SRRM3: variants seen among roughly 807,000 people sequenced by gnomAD.
SRRM3 encodes serine/arginine repetitive matrix protein 3.
A neutral mutation model predicts 66.2 loss-of-function variants in SRRM3; 27 were observed. The observed-to-expected ratio is 0.41, with a 90% CI of 0.30 to 0.56. SRRM3 has a LOEUF of 0.56. Ranked by LOEUF, SRRM3 falls within the 20% of genes least tolerant of loss-of-function variation. The pLI is 0.32. For missense variants in SRRM3, 918 were observed against 991.9 expected, an observed-to-expected ratio of 0.93 and a Z score of 1.00; for synonymous variants, 391 against 414.9, an observed-to-expected ratio of 0.94 and a Z score of 0.70.
chr7:76,231,000 C>T (rs1404314866), intron 1 of SRRM3, among the ~76,000 whole-genome samples: 1 of 152,028 alleles, frequency 6.6e-6, no homozygotes, highest in Non-Finnish European at 1.5e-5. Flanking sequence ...ATCCACTCAC[C>T]TCAGCTTCCC....
At chr7:76,248,431 G>T in intron 3 of SRRM3, 142 bp downstream of exon 3, 1 of 636,826 alleles carries the variant, frequency 1.6e-6, no homozygotes, top group South Asian at 1.8e-5. Flanking sequence ...AGGAGAAGGA[G>T]AGGAGAGCAT....
chr7:76,233,084 T>C (rs2116990945), intron 1 of SRRM3, among the ~76,000 whole-genome samples: 1 of 152,190 alleles, frequency 6.6e-6, no homozygotes, highest in Middle Eastern at 3.4e-3. Flanking sequence ...GGAAGGATTG[T>C]TTGAAGCCAG....
At chr7:76,271,427 T>C (rs1194680172) in intron 11 of SRRM3, among the ~76,000 whole-genome samples, 1 of 151,994 alleles carries the variant, frequency 6.6e-6, no homozygotes, top group Non-Finnish European at 1.5e-5. Flanking sequence ...CAGTAAGCCA[T>C]GATTGCACCA....
chr7:76,215,100 A>T (rs1162217979), intron 1 of SRRM3, among the ~76,000 whole-genome samples: 2 of 152,024 alleles, frequency 1.3e-5, no homozygotes, highest in African/African-American at 2.4e-5. Context: ...AATATGCAAA[A>T]TATTAAACTG....
chr7:76,218,223 C>T (rs1800616463), intron 1 of SRRM3, among the ~76,000 whole-genome samples: 1 of 152,192 alleles, frequency 6.6e-6, no homozygotes. Context: ...GTCCTCAAGG[C>T]CAGCTTGGGA....
chr7:76,208,027 G>A (rs1366442369), intron 1 of SRRM3, among the ~76,000 whole-genome samples: 1 of 152,208 alleles, frequency 6.6e-6, no homozygotes, highest in African/African-American at 2.4e-5. Flanking sequence ...GGGTCTGCGT[G>A]TGTGGATTTC....
In SRRM3 at chr7:76,283,929, A is replaced by C. The variant is rs1177997953; in HGVS notation, c.1733+828A>C. 4.1e-6 allele frequency: 3 copies of C among 730,210 alleles called. No individual in the cohort carries two copies. The African/African-American group carries it at 5.8e-5, about 14-fold the overall frequency. The allele number at this position is 730,210 out of a possible 1,614,324, so 45.2% of individuals were successfully genotyped here. On this transcript the variant is annotated intron_variant, in intron 14 of 14. Coordinates refer to ENST00000611745, the MANE Select transcript of SRRM3 (RefSeq NM_001110199.3). ...AACACAGGCAAAAAGTTCTGAGCCCAACTCTGCCACTGCCTTGCTGGGCAG... is the reference window on the plus strand; with the variant it reads ...AACACAGGCAAAAAGTTCTGAGCCCCACTCTGCCACTGCCTTGCTGGGCAG...
intron 3 of SRRM3, among the ~76,000 whole-genome samples, chr7:76,255,141 TTTCTTTC>T (rs1801677978): frequency 5.4e-4 from 59 of 109,928 alleles, no homozygotes; most frequent in African/African-American, 1.6e-3. Flanking sequence ...TCTTTCTTTC[TTTCTTTC>T]TTTTTTTTTT....
intron 3 of SRRM3, among the ~76,000 whole-genome samples, chr7:76,255,148 C>CTTTTTTTTTTTTTTTTTTTTTTTTTCT (rs57880700): frequency 2.4e-5 from 2 of 83,176 alleles, no homozygotes; most frequent in Non-Finnish European, 4.0e-5. Context: ...TTCTTTCTTT[C>CTTTTTTTTTTTTTTTTTTTTTTTTTCT]TTTTTTTTTT....
intron 11 of SRRM3, among the ~76,000 whole-genome samples, chr7:76,271,841 G>T (rs1471373890): frequency 6.6e-6 from 1 of 152,182 alleles, no homozygotes; most frequent in Non-Finnish European, 1.5e-5. Flanking sequence ...TCAGCTTCCT[G>T]CTCTCTCATG....
At chr7:76,211,420 C>CGG (rs111564107) in intron 1 of SRRM3, among the ~76,000 whole-genome samples, 32 of 74,196 alleles carry the variant, frequency 4.3e-4, no homozygotes, top group South Asian at 1.2e-3. Flanking sequence ...TGTTGGGGGG[C>CGG]GGGGGGGGAA....
chr7:76,258,713 CAAAAA>C (rs201265747), intron 3 of SRRM3, among the ~76,000 whole-genome samples: 6 of 68,298 alleles, frequency 8.8e-5, no homozygotes, highest in African/African-American at 3.0e-4. Flanking sequence ...GACTCCATCT[CAAAAA>C]AAAAAAAAAA....
rs1243393227 is a variant in SRRM3, at chr7:76,263,875, G to GCCAAAAAAAAAAAA, written c.675-890_675-889insCCAAAAAAAAAAAA. On this transcript the variant is annotated intron_variant, in intron 8 of 14. Coordinates refer to ENST00000611745, the MANE Select transcript of SRRM3 (RefSeq NM_001110199.3). ...GCAACAGAGCGGGACTCTGTCTCAA[G>GCCAAAAAAAAAAAA]ACAAAAAAAAAAAAAAAAAAAAAAA... Among the ~76,000 whole-genome samples the GCCAAAAAAAAAAAA allele has an allele frequency of 1.9e-3, 52 of 26,752 alleles. 10 individuals carry two copies. The highest frequency in any genetic ancestry group is 2.5e-3 in the Non-Finnish European group (37 of 14,534). 17.6% of individuals were successfully genotyped at this position (26,752 alleles called of 152,430 possible). A position where few individuals can be genotyped will look rare whatever the true frequency, so the allele number is the denominator to read the frequency against.
chr7:76,283,690 A>AG (rs1802590668), intron 14 of SRRM3: 1 of 817,910 alleles, frequency 1.2e-6, no homozygotes. Context: ...GGGGCACAGC[A>AG]GTCTGGTCTC....
At chr7:76,223,800 T>G (rs1437019521) in intron 1 of SRRM3, among the ~76,000 whole-genome samples, 1 of 150,580 alleles carries the variant, frequency 6.6e-6, no homozygotes, top group Non-Finnish European at 1.5e-5. Context: ...TCCCTGGATC[T>G]TAACATGCCC....
chr7:76,221,143 C>G (rs375468382), intron 1 of SRRM3, among the ~76,000 whole-genome samples: 2 of 150,080 alleles, frequency 1.3e-5, no homozygotes, highest in Admixed American at 1.3e-4. Context: ...CCGCAACCTC[C>G]GCCTCCTGGG....
chr7:76,285,206 G>T lies in SRRM3; in HGVS notation c.1734-409G>T. On this transcript the variant is annotated intron_variant, in intron 14 of 14. Coordinates refer to ENST00000611745, the MANE Select transcript of SRRM3 (RefSeq NM_001110199.3). This position sits in a 1 kb window ranked among gnomAD's most constrained non-coding sequence, Gnocchi z 4.1. ...AGCCTCCCAAGTAGCTGGGATTACA[G>T]GTGCACACCACCATGCCCGGCAAAT... 5.4e-6 allele frequency: 1 copy of T among 184,918 alleles called. No homozygotes were observed. The highest frequency in any genetic ancestry group is 1.1e-5 in the Non-Finnish European group (1 of 88,206). 11.5% of individuals were successfully genotyped at this position (184,918 alleles called of 1,614,324 possible).
At chr7:76,282,580 A>T in intron 12 of SRRM3, 68 bp from the exon 13 acceptor site, 4 of 172,280 alleles carry the variant, frequency 2.3e-5, no homozygotes, top group Non-Finnish European at 2.9e-5. Flanking sequence ...CGCCCCAGGG[A>T]ACCCTCCCCG....
At chr7:76,281,319 T>A in intron 11 of SRRM3, 122 bp from the exon 12 acceptor site, 1 of 662,898 alleles carries the variant, frequency 1.5e-6, no homozygotes, top group Non-Finnish European at 2.0e-6. Context: ...TCTTTCTGTC[T>A]CTGTCTCTGT....
Sources: allele counts gnomAD v4.1 joint callset (sites outside exome capture counted in the v4.1 genomes callset), GRCh38; gene constraint gnomAD v4.1.1; non-coding constraint Gnocchi (gnomAD v3.1); transcripts MANE v1.5; gene names NCBI Gene and HGNC (gene_info 2026-07-23, HGNC 2026-07-21).